The following GAP43 variants were observed in gnomAD, a reference collection of about 807,000 sequenced individuals.
GAP43 encodes growth associated protein 43, also known as neuromodulin.
In GAP43, 6 loss-of-function variants were observed where a neutral mutation model predicts 18.6. That is an observed-to-expected ratio of 0.32 (90% CI 0.18 to 0.64). The LOEUF (loss-of-function observed/expected upper bound fraction) is 0.64. Among genes scored for constraint, GAP43 ranks in the 30% least tolerant of loss-of-function variants. The pLI is 0.78. For synonymous variants in GAP43, 115 were observed against 111.4 expected (o/e 1.03, Z -0.20); for missense variants, 292 against 295.5 (o/e 0.99, Z 0.09).
At chr3:115,639,262 T>A (rs966338300) in intron 1 of GAP43, among the ~76,000 whole-genome samples, 2 of 152,146 alleles carry the variant, frequency 1.3e-5, no homozygotes, top group Non-Finnish European at 2.9e-5. Flanking sequence ...ACCAGCTGGT[T>A]GCTTCAGCAA....
At chr3:115,623,805 G>C in intron 1 of GAP43, 86 bp downstream of exon 1, 1 of 1,402,806 alleles carries the variant, frequency 7.1e-7, no homozygotes, top group South Asian at 1.2e-5. Flanking sequence ...TTTTTTTACT[G>C]CTTCTGCTCT....
intron 1 of GAP43, among the ~76,000 whole-genome samples, chr3:115,665,246 A>C (rs1431459726): frequency 2.0e-5 from 3 of 152,224 alleles, no homozygotes; most frequent in Non-Finnish European, 4.4e-5. Context: ...GAGATTCTGG[A>C]GCCACCCCCT....
intron 1 of GAP43, among the ~76,000 whole-genome samples, chr3:115,657,892 A>G (rs992927803): frequency 1.3e-5 from 2 of 152,184 alleles, no homozygotes; most frequent in Admixed American, 1.3e-4. Context: ...ACTGGTATTA[A>G]TCTGATTAAC....
At chr3:115,631,271 T>C (rs1032918335) in intron 1 of GAP43, among the ~76,000 whole-genome samples, 1 of 152,176 alleles carries the variant, frequency 6.6e-6, no homozygotes, top group South Asian at 2.1e-4. Flanking sequence ...TTTCCCTGGG[T>C]TCTAGACCTG....
intron 2 of GAP43, among the ~76,000 whole-genome samples, chr3:115,706,305 A>G (rs1411277862): frequency 1.3e-5 from 2 of 152,054 alleles, no homozygotes; most frequent in African/African-American, 4.8e-5. Context: ...AAACAAGGGA[A>G]TTTTTCTTGA....
Position 115,667,935 on chromosome 3 carries a change from G to A in GAP43, c.31-8078G>A, listed in dbSNP as rs552999288. Among the ~76,000 whole-genome samples the A allele has an allele frequency of 5.9e-5, 9 of 152,272 alleles. No individual in the cohort carries two copies. The East Asian group carries it at 1.5e-3, about 26-fold the overall frequency. Reference sequence around the variant, plus strand: ...GCATAGCAACCTCTCTGAGAGCAGAGTCTAGTGTCCCCCTCACTTTGCCAG... The same window carrying A: ...GCATAGCAACCTCTCTGAGAGCAGAATCTAGTGTCCCCCTCACTTTGCCAG... On this transcript the variant is annotated intron_variant, in intron 1 of 2. Coordinates refer to ENST00000305124, the MANE Select transcript of GAP43 (RefSeq NM_002045.4).
intron 1 of GAP43, among the ~76,000 whole-genome samples, chr3:115,652,856 G>T (rs962938873): frequency 1.4e-4 from 22 of 152,196 alleles, no homozygotes; most frequent in African/African-American, 5.3e-4. Flanking sequence ...AGACAAAATA[G>T]TAGCTACTAA....
chr3:115,714,331 C>T (rs1238117347), intron 2 of GAP43, among the ~76,000 whole-genome samples: 3 of 152,120 alleles, frequency 2.0e-5, no homozygotes, highest in East Asian at 1.9e-4. Flanking sequence ...TGCCAGTGAA[C>T]GTGGTGGTAA....
chr3:115,654,399 A>C (rs981870512), intron 1 of GAP43, among the ~76,000 whole-genome samples: 3 of 152,240 alleles, frequency 2.0e-5, no homozygotes, highest in Non-Finnish European at 4.4e-5. Flanking sequence ...TAAAGACCCC[A>C]GCTCATCCCA....
intron 2 of GAP43, among the ~76,000 whole-genome samples, chr3:115,717,953 G>A (rs1195365946): frequency 6.6e-6 from 1 of 152,166 alleles, no homozygotes; most frequent in Non-Finnish European, 1.5e-5. Flanking sequence ...ATTCCAACAA[G>A]GGAACAGAAA....
At chr3:115,631,220 G>T (rs997481779) in intron 1 of GAP43, among the ~76,000 whole-genome samples, 3 of 152,148 alleles carry the variant, frequency 2.0e-5, no homozygotes, top group Admixed American at 1.3e-4. Context: ...GATGTTGTTT[G>T]TTTAATGTCC....
intron 1 of GAP43, among the ~76,000 whole-genome samples, chr3:115,671,861 TGAAAA>T (rs1708818155): frequency 1.3e-5 from 2 of 152,176 alleles, no homozygotes; most frequent in Admixed American, 6.5e-5. Context: ...TGTCCTTACT[TGAAAA>T]GAAGAGTGTA....
intron 1 of GAP43, among the ~76,000 whole-genome samples, chr3:115,673,516 C>T (rs1040204389): frequency 1.3e-5 from 2 of 152,218 alleles, no homozygotes; most frequent in South Asian, 2.1e-4. Flanking sequence ...AACCAGTTGG[C>T]ATCAATGCCC....
intron 2 of GAP43, among the ~76,000 whole-genome samples, chr3:115,686,496 T>C (rs1368163965): frequency 6.6e-6 from 1 of 152,188 alleles, no homozygotes; most frequent in Non-Finnish European, 1.5e-5. Context: ...CTGTATCTTT[T>C]TAATGCATTG....
intron 2 of GAP43, among the ~76,000 whole-genome samples, chr3:115,688,006 ATTATTTAT>A (rs59423282): frequency 4.7e-5 from 7 of 149,906 alleles, no homozygotes; most frequent in East Asian, 2.0e-4. Context: ...AAATTTTTTT[ATTATTTAT>A]TTATTTATTT....
intron 2 of GAP43, among the ~76,000 whole-genome samples, chr3:115,708,940 G>GTTTTTTTTTTTTTTTTTTTTT (rs3086974): frequency 1.8e-4 from 18 of 99,788 alleles, no homozygotes; most frequent in African/African-American, 4.1e-4. Flanking sequence ...AACTGGCTGG[G>GTTTTTTTTTTTTTTTTTTTTT]TTTTTTTTTT....
At chr3:115,716,717 AATATATATATATAT>A (rs3995850) in intron 2 of GAP43, among the ~76,000 whole-genome samples, 888 of 43,866 alleles carry the variant, frequency 0.02, 16 homozygotes, top group African/African-American at 0.053. Context: ...ATCTCAGACA[AATATATATATATAT>A]ATATATATAT....
rs376106909 is a variant in GAP43, at chr3:115,632,455, CATA to C, written c.30+8739_30+8741del. Among the ~76,000 whole-genome samples, 8 of 151,648 alleles carry C rather than the reference CATA, an allele frequency of 5.3e-5. No homozygotes were observed. The South Asian group carries it at 1.7e-3, about 32-fold the overall frequency. ...CCTTTCCAAACTCAACTCTAAATGC[CATA>C]ATCTTTTGAGCCCTCAAGATCTCCA... On this transcript the variant is annotated intron_variant, in intron 1 of 2. Coordinates refer to ENST00000305124, the MANE Select transcript of GAP43 (RefSeq NM_002045.4).
chr3:115,683,798 A>G (rs958918565), intron 2 of GAP43, among the ~76,000 whole-genome samples: 1 of 152,224 alleles, frequency 6.6e-6, no homozygotes, highest in South Asian at 2.1e-4. Context: ...AAAGTATTAT[A>G]TGGATAAGCT....
Sources: gnomAD v4.1 joint callset for allele counts (sites outside exome capture counted in the v4.1 genomes callset) on GRCh38, gnomAD v4.1.1 for gene constraint, MANE v1.5 for transcripts, NCBI Gene and HGNC (gene_info 2026-07-23, HGNC 2026-07-21) for gene names.